KLHL13: variants seen among roughly 807,000 people sequenced by gnomAD.
KLHL13 encodes the protein kelch like family member 13.
In KLHL13, 10 loss-of-function variants were observed where a neutral mutation model predicts 37.1. The ratio of observed to expected loss-of-function variants is 0.27; its 90% CI spans 0.17 to 0.46. KLHL13 has a LOEUF of 0.46. Ranked by LOEUF, KLHL13 falls within the 20% of genes least tolerant of loss-of-function variation. The pLI is 1.00. For missense variants in KLHL13, 360 were observed against 509.3 expected (o/e 0.71, Z 2.82); for synonymous variants, 163 against 181.2 (o/e 0.90, Z 0.81).
chrX:117,988,564 A>G (rs1411891604), intron 1 of KLHL13, among the ~76,000 whole-genome samples: 1 of 112,008 alleles, frequency 8.9e-6, no homozygotes, highest in Non-Finnish European at 1.9e-5. Flanking sequence ...GTTTCAAGTG[A>G]TTTATCAGAT....
At chrX:118,067,941 T>A (rs906185290) in intron 1 of KLHL13, among the ~76,000 whole-genome samples, 17 of 112,088 alleles carry the variant, frequency 1.5e-4, no homozygotes, top group African/African-American at 5.2e-4. Flanking sequence ...TCAAGTATTA[T>A]GTACTATATA....
intron 1 of KLHL13, among the ~76,000 whole-genome samples, chrX:117,996,830 TAA>T (rs5903508): frequency 0.04 from 3,837 of 94,757 alleles, 197 homozygotes; most frequent in African/African-American, 0.13. Flanking sequence ...ATAGCCTATT[TAA>T]AAAAAAAAAA....
intron 1 of KLHL13, among the ~76,000 whole-genome samples, chrX:117,958,377 ATATCT>A (rs1023243383): frequency 9.1e-6 from 1 of 110,477 alleles, no homozygotes; most frequent in African/African-American, 3.3e-5. Flanking sequence ...CTTTCTCAAA[ATATCT>A]TATCATACTG....
chrX:118,028,554 A>G, intron 1 of KLHL13, 57 bp from the exon 2 acceptor site: 4 of 552,790 alleles, frequency 7.2e-6, no homozygotes, highest in Non-Finnish European at 8.8e-6. Flanking sequence ...TGGAATTTTC[A>G]ACTTCTGTTT....
At chrX:118,096,810 A>G (rs987274100) in intron 1 of KLHL13, among the ~76,000 whole-genome samples, 62 of 112,038 alleles carry the variant, frequency 5.5e-4, no homozygotes, top group Non-Finnish European at 1.0e-3. Flanking sequence ...GCATATAAAC[A>G]GAACCAACGA....
At chrX:117,999,528 C>T (rs2053896128) in intron 1 of KLHL13, among the ~76,000 whole-genome samples, 1 of 109,563 alleles carries the variant, frequency 9.1e-6, no homozygotes, top group African/African-American at 3.3e-5. Flanking sequence ...GAACATCACA[C>T]ACCAGGGCCT....
chrX:117,992,649 C>T (rs2053808321), intron 1 of KLHL13, among the ~76,000 whole-genome samples: 1 of 109,276 alleles, frequency 9.2e-6, no homozygotes. Context: ...TAAAACATCC[C>T]TTTTGCATAG....
At chrX:117,945,343 A>G (rs1933268030) in intron 2 of KLHL13, 91 bp downstream of exon 3, 11 of 922,590 alleles carry the variant, frequency 1.2e-5, no homozygotes, top group Non-Finnish European at 1.7e-5. Context: ...CACACCCACA[A>G]CCTCCTCCAC....
At chrX:118,026,624 G>A (rs1326330969) in intron 1 of KLHL13, among the ~76,000 whole-genome samples, 1 of 112,010 alleles carries the variant, frequency 8.9e-6, no homozygotes, top group African/African-American at 3.2e-5. Flanking sequence ...TTTAGAAAGG[G>A]ATGAGATGAT....
intron 1 of KLHL13, among the ~76,000 whole-genome samples, chrX:117,963,861 C>T (rs2053356085): frequency 9.5e-6 from 1 of 105,727 alleles, no homozygotes; most frequent in African/African-American, 3.5e-5. Context: ...ACTATGCAGC[C>T]ATAAAAAATG....
At chrX:118,046,072 C>T (rs1008575105) in intron 1 of KLHL13, among the ~76,000 whole-genome samples, 3 of 112,069 alleles carry the variant, frequency 2.7e-5, no homozygotes, top group Non-Finnish European at 3.8e-5. Context: ...ATCTATGTAT[C>T]AAAGAGGTAT....
At chrX:117,997,147 T>C (rs2053863460) in intron 1 of KLHL13, among the ~76,000 whole-genome samples, 1 of 110,969 alleles carries the variant, frequency 9.0e-6, no homozygotes, top group Non-Finnish European at 1.9e-5. Context: ...ATACTTTGCA[T>C]TCAAAGCGTA....
At chrX:118,013,672 T>C (rs750257443) in intron 1 of KLHL13, among the ~76,000 whole-genome samples, 12 of 111,420 alleles carry the variant, frequency 1.1e-4, no homozygotes, top group African/African-American at 3.9e-4. Context: ...AATCAATAAA[T>C]AGAAGGAAAA....
At chrX:118,045,848 C>T (rs1278324292) in intron 1 of KLHL13, among the ~76,000 whole-genome samples, 2 of 111,585 alleles carry the variant, frequency 1.8e-5, no homozygotes, top group Non-Finnish European at 3.8e-5. Flanking sequence ...GAGATATCAT[C>T]TCATCTCAGT....
chrX:117,978,821 G>T (rs1602620448), intron 1 of KLHL13, among the ~76,000 whole-genome samples: 1 of 89,082 alleles, frequency 1.1e-5, no homozygotes. Context: ...ACCCGTGTAT[G>T]CTTCAAAGTA....
chrX:117,964,711 A>G (rs2053383365), intron 1 of KLHL13, among the ~76,000 whole-genome samples: 1 of 111,184 alleles, frequency 9.0e-6, no homozygotes, highest in Admixed American at 9.5e-5. Flanking sequence ...AACATTAGGC[A>G]TATCTCCTAA....
At chrX:118,085,877 T>C (rs150936625) in intron 1 of KLHL13, among the ~76,000 whole-genome samples, 4,264 of 106,313 alleles carry the variant, frequency 0.04, 228 homozygotes, top group African/African-American at 0.14. Context: ...CAGCTGATGG[T>C]CACTTAGTTT....
intron 1 of KLHL13, among the ~76,000 whole-genome samples, chrX:118,102,759 C>T (rs1188340498): frequency 8.9e-6 from 1 of 112,239 alleles, no homozygotes; most frequent in Non-Finnish European, 1.9e-5. Context: ...ATGGACCTAA[C>T]CTACATGCAG....
At chrX:118,040,936 A>C in intron 1 of KLHL13, among the ~76,000 whole-genome samples, 1 of 112,247 alleles carries the variant, frequency 8.9e-6, no homozygotes, top group Middle Eastern at 4.6e-3. Context: ...GAAAACAAAA[A>C]ACTTTTACAC....
Sources: gnomAD v4.1 joint callset for allele counts (sites outside exome capture counted in the v4.1 genomes callset) on GRCh38, gnomAD v4.1.1 for gene constraint, MANE v1.5 for transcripts, NCBI Gene and HGNC (gene_info 2026-07-23, HGNC 2026-07-21) for gene names.